SLC12A9: variants seen among roughly 807,000 people sequenced by gnomAD.
The protein encoded by SLC12A9 is CCC-interacting protein 1.
In SLC12A9, 55 loss-of-function variants were observed where a neutral mutation model predicts 66.0. The ratio of observed to expected loss-of-function variants is 0.83; its 90% CI spans 0.67 to 1.04. SLC12A9 has a LOEUF of 1.04. Among genes scored for constraint, SLC12A9 ranks in the 50% least tolerant of loss-of-function variants. The pLI is 0.00. For missense variants in SLC12A9, 1,061 were observed against 1,241.9 expected (o/e 0.85, Z 2.19); for synonymous variants, 577 against 569.0 (o/e 1.01, Z -0.20).
chr7:100,866,619 A>C lies in SLC12A9; in HGVS notation c.*14A>C, dbSNP rs1350673525. Reference sequence around the variant, plus strand: ...ACTGATCTGTGATGCCCCTGCCTCCAGGGCTAGGTAGAGAGGGCCCAGGCA... The same window carrying C: ...ACTGATCTGTGATGCCCCTGCCTCCCGGGCTAGGTAGAGAGGGCCCAGGCA... On this transcript the variant is annotated 3_prime_UTR_variant, in exon 14 of 14. Coordinates refer to ENST00000354161, the MANE Select transcript of SLC12A9 (RefSeq NM_020246.4). The surrounding 1 kb of genome is among the most constrained non-coding windows in gnomAD (Gnocchi z 7.3). 2.0e-6 allele frequency: 3 copies of C among 1,523,812 alleles called. No individual in the cohort carries two copies. The highest frequency in any genetic ancestry group is 2.7e-6 in the Non-Finnish European group (3 of 1,131,996). The allele number at this position is 1,523,812 out of a possible 1,614,324, so 94.4% of individuals were successfully genotyped here.
chr7:100,845,673 C>T (rs1051221885), intron 1 of SLC12A9, among the ~76,000 whole-genome samples: 2 of 152,144 alleles, frequency 1.3e-5, no homozygotes, highest in East Asian at 1.9e-4. Context: ...AACCATCTTT[C>T]TTCCTACTGC....
chr7:100,852,258 C>A (rs1277400076), upstream of SLC12A9, among the ~76,000 whole-genome samples: 1 of 152,162 alleles, frequency 6.6e-6, no homozygotes, highest in Non-Finnish European at 1.5e-5. Flanking sequence ...AGGGAGGATC[C>A]CCGCAGCGGG....
chr7:100,859,416 T>C (rs879120901), intron 7 of SLC12A9: 2 of 518,936 alleles, frequency 3.9e-6, no homozygotes, highest in Non-Finnish European at 7.0e-6. Flanking sequence ...CTCTTGTGCA[T>C]ATACCATTAG....
intron 1 of SLC12A9, among the ~76,000 whole-genome samples, chr7:100,839,575 G>T (rs1813738115): frequency 6.6e-6 from 1 of 152,236 alleles, no homozygotes; most frequent in African/African-American, 2.4e-5. Context: ...TAACTAGCCC[G>T]GGCGACGCGG....
intron 13 of SLC12A9, chr7:100,865,391 A>G: frequency 2.0e-6 from 3 of 1,536,140 alleles, no homozygotes; most frequent in East Asian, 2.4e-5. Context: ...CGTGAAACAG[A>G]TGCCCCGCTA....
intron 1 of SLC12A9, among the ~76,000 whole-genome samples, chr7:100,847,175 G>A (rs886805426): frequency 2.6e-5 from 4 of 152,110 alleles, no homozygotes; most frequent in African/African-American, 7.2e-5. Flanking sequence ...TCTGCGGCTC[G>A]TCCTGCTACA....
intron 1 of SLC12A9, among the ~76,000 whole-genome samples, chr7:100,830,226 C>T (rs1394605705): frequency 1.3e-5 from 2 of 151,702 alleles, no homozygotes. Context: ...GTGGTGCAGG[C>T]CTGCAGTCCC....
Position 100,865,738 on chromosome 7 carries a change from G to C in SLC12A9, c.1878G>C (p.Thr626=), listed in dbSNP as rs376555806. The C allele has an allele frequency of 4.3e-6, 7 of 1,611,440 alleles. No homozygotes were observed. Among genetic ancestry groups the C allele is most frequent in the East Asian group, 2.2e-5 (1 of 44,826 alleles). Residue 626 remains threonine, a synonymous_variant, in exon 14 of 14, where the codon ACG becomes ACC. Coordinates refer to ENST00000354161, the MANE Select transcript of SLC12A9 (RefSeq NM_020246.4). ...ISGLGGMKPN[T]LVLGFYDDAP... is the part of the protein sequence containing the mutation. Reference sequence around the variant, plus strand: ...CCCCAGGTGGCATGAAGCCCAACACGTTGGTCCTAGGTTTCTACGATGACG... The same window carrying C: ...CCCCAGGTGGCATGAAGCCCAACACCTTGGTCCTAGGTTTCTACGATGACG...
intron 1 of SLC12A9, among the ~76,000 whole-genome samples, chr7:100,840,167 T>G (rs1813753827): frequency 6.6e-6 from 1 of 152,186 alleles, no homozygotes; most frequent in South Asian, 2.1e-4. Flanking sequence ...GTGTGTGCCC[T>G]TTTTACCTGT....
intron 1 of SLC12A9, among the ~76,000 whole-genome samples, chr7:100,838,245 C>T (rs1172268387): frequency 6.6e-6 from 1 of 152,194 alleles, no homozygotes; most frequent in Non-Finnish European, 1.5e-5. Context: ...AAGTGATCCT[C>T]CTGCCTCCAC....
At chr7:100,836,156 T>C (rs1009046882) in intron 1 of SLC12A9, among the ~76,000 whole-genome samples, 1 of 152,170 alleles carries the variant, frequency 6.6e-6, no homozygotes. Context: ...TATTGTGTCC[T>C]GGCTGGGAAT....
Position 100,854,236 on chromosome 7 carries a change from C to T in SLC12A9, c.39C>T (p.Leu13=). 1 of 1,577,050 alleles carries T rather than the reference C, an allele frequency of 6.3e-7. No homozygotes were observed. Among genetic ancestry groups the T allele is most frequent in the Non-Finnish European group, 8.5e-7 (1 of 1,170,544 alleles). ...SESSPLLAYR[L]LGEEGVALPA... is the part of the protein sequence containing the mutation. ...GCTCACCTCTGCTGGCCTACCGGCT[C>T]CTGGGGGAGGAGGGGGTTGCCCTCC... The change falls in exon 2 of 14, where the codon CTC becomes CTT. Residue 13 remains leucine, a synonymous_variant. Transcript: ENST00000354161.
At position 100,865,973 on chromosome 7, in the gene SLC12A9, G is replaced by A; in HGVS notation, c.2113G>A (p.Ala705Thr). 1 of 1,613,020 alleles carries A rather than the reference G, an allele frequency of 6.2e-7. No homozygotes were observed. Among genetic ancestry groups the A allele is most frequent in the Non-Finnish European group, 8.5e-7 (1 of 1,179,888 alleles). ...KNVVLARASG[A>T]LPPERLSRGS... is the part of the protein sequence containing the mutation. ...TGTGGTGCTGGCCCGGGCCAGCGGG[G>A]CCTTGCCCCCTGAGCGGCTGAGCCG... Residue 705 changes from alanine (A) to threonine (T), a missense_variant, in exon 14 of 14, where the codon GCC becomes ACC. Physicochemically the swap from Ala to Thr is moderately conservative, Grantham distance 58 (BLOSUM62 0). Transcript: ENST00000354161.
At position 100,861,846 on chromosome 7, in the gene SLC12A9, G is replaced by A. The variant is rs538145183; in HGVS notation, c.1646G>A (p.Arg549Gln). 86 of 1,613,972 alleles carry A rather than the reference G, an allele frequency of 5.3e-5. 1 individual carries two copies. The Admixed American group carries it at 8.3e-4, about 16-fold the overall frequency. Reference protein sequence around the residue: ...GNPRGALPLLRLANQLKKGGL... With the variant: ...GNPRGALPLLQLANQLKKGGL... ...CCCCGGGGCGCCCTGCCTCTGCTGCGGTTGGCCAACCAGCTTAAGAAGGGG... is the reference window on the plus strand; with the variant it reads ...CCCCGGGGCGCCCTGCCTCTGCTGCAGTTGGCCAACCAGCTTAAGAAGGGG... The change falls in exon 12 of 14, where the codon CGG (arginine) becomes CAG (glutamine). Residue 549 changes from arginine (R) to glutamine (Q), a missense_variant. Transcript: ENST00000354161. This position sits in a 1 kb window ranked among gnomAD's most constrained non-coding sequence, Gnocchi z 5.3.
At chr7:100,862,870 C>T in intron 13 of SLC12A9, 43 bp downstream of exon 13, 1 of 1,610,112 alleles carries the variant, frequency 6.2e-7, no homozygotes, top group African/African-American at 1.3e-5. Flanking sequence ...TCCTCTGTGG[C>T]CACTTCAAAT....
chr7:100,843,232 G>A lies in SLC12A9; in HGVS notation n.228+16185G>A, dbSNP rs1269544003. 5.3e-5 allele frequency among the ~76,000 whole-genome samples: 8 copies of A among 152,204 alleles called. No homozygotes were observed. The East Asian group carries it at 1.5e-3, about 29-fold the overall frequency. On this transcript the variant is annotated intron_variant and non_coding_transcript_variant, in intron 1 of 1. Coordinates refer to the SLC12A9 transcript ENST00000461016. ...GAGAAAAAATAAGACATTGTAAAGC[G>A]AGAGAAGCCCCTTATGGGTCTTTTG... is the stretch of plus-strand genomic sequence containing the variant.
intron 4 of SLC12A9, 197 bp downstream of exon 4, chr7:100,856,034 C>A: frequency 1.4e-6 from 1 of 728,482 alleles, no homozygotes; most frequent in South Asian, 2.5e-5. Context: ...AGGGAGCTAA[C>A]CATCTAATCG....
At chr7:100,830,183 C>G (rs908621225) in intron 1 of SLC12A9, among the ~76,000 whole-genome samples, 1 of 152,070 alleles carries the variant, frequency 6.6e-6, no homozygotes, top group East Asian at 1.9e-4. Flanking sequence ...GAAACCCCTT[C>G]TCTACTGAAA....
rs372154378 is a variant in SLC12A9 at position 100,860,263 on chromosome 7, C to G, written c.1218+31C>G. 155 of 1,604,128 alleles carry G rather than the reference C, an allele frequency of 9.7e-5. 1 individual carries two copies. Among genetic ancestry groups the G allele is most frequent in the Non-Finnish European group, 1.2e-4 (143 of 1,174,310 alleles). On this transcript the variant is annotated intron_variant, in intron 9 of 13. Coordinates refer to ENST00000354161, the MANE Select transcript of SLC12A9 (RefSeq NM_020246.4). ...CCTTCTTCTTCAAGGGGCCCTTTCCCTCACCCCACCAGCTGGCAGGATGGG... is the reference window on the plus strand; with the variant it reads ...CCTTCTTCTTCAAGGGGCCCTTTCCGTCACCCCACCAGCTGGCAGGATGGG...
Sources: allele counts gnomAD v4.1 joint callset (sites outside exome capture counted in the v4.1 genomes callset), GRCh38; gene constraint gnomAD v4.1.1; non-coding constraint Gnocchi (gnomAD v3.1); transcripts MANE v1.5; gene names NCBI Gene and HGNC (gene_info 2026-07-23, HGNC 2026-07-21).